The following MKI67 variants were observed in gnomAD, a reference collection of about 807,000 sequenced individuals.
MKI67 encodes proliferation marker protein Ki-67.
In MKI67, 152 loss-of-function variants were observed where a neutral mutation model predicts 233.5. That is an observed-to-expected ratio of 0.65 (90% CI 0.57 to 0.74). MKI67 has a LOEUF of 0.74. Among genes scored for constraint, MKI67 ranks in the 30% least tolerant of loss-of-function variants. The pLI, the probability that MKI67 is intolerant of heterozygous loss-of-function variation, is 0.00. For missense variants in MKI67, 3,940 were observed against 3,885.2 expected (o/e 1.01, Z -0.37); for synonymous variants, 1,465 against 1,418.5 (o/e 1.03, Z -0.74).
rs143304134 is a variant in MKI67 at position 128,115,541 on chromosome 10, C to T, written c.867G>A (p.Ser289=). The part of the protein sequence containing the change: ...GLQGETQLLV[S]RKSRPKSGGS... ...CACCAGATTTTGGTCTTGACTTACG[C>T]GAGACCAACAGTTGGGTCTCCCCCT... The change falls in exon 7 of 15, where the codon TCG becomes TCA. Residue 289 remains serine, a synonymous_variant. Coordinates refer to ENST00000368654, the MANE Select transcript of MKI67 (RefSeq NM_002417.5). The T allele has an allele frequency of 6.5e-4, 1,056 of 1,614,198 alleles. 4 individuals carry two copies. In the African/African-American group the frequency reaches 0.011, roughly 16 times the overall value.
chr10:128,106,965 G>C lies in MKI67; in HGVS notation c.4875C>G (p.Asn1625Lys). 1 of 1,613,958 alleles carries C rather than the reference G, an allele frequency of 6.2e-7. No individual in the cohort carries two copies. Among genetic ancestry groups the C allele is most frequent in the Non-Finnish European group, 8.5e-7 (1 of 1,179,998 alleles). Residue 1625 changes from asparagine to lysine, a missense_variant, in exon 13 of 15, where the codon AAC becomes AAG. Physicochemically the swap from Asn to Lys is moderately conservative, Grantham distance 94 (BLOSUM62 0). Transcript: ENST00000368654. Reference protein sequence around the residue: ...CKSSQPDPDKNPASSKRRLKT... With the variant: ...CKSSQPDPDKKPASSKRRLKT... ...TGAGCCGTCGCTTGGAGCTTGCTGG[G>C]TTTTTGTCTGGGTCTGGTTGTGAAG...
At position 128,103,351 on chromosome 10, in the gene MKI67, T is replaced by C. The variant is rs200105577; in HGVS notation, c.8489A>G (p.Glu2830Gly). The C allele has an allele frequency of 6.2e-7, 1 of 1,614,120 alleles. No individual in the cohort carries two copies. Among genetic ancestry groups the C allele is most frequent in the Non-Finnish European group, 8.5e-7 (1 of 1,180,018 alleles). ...TTKIPCKSSP[E>G]LEDTATSSKR... is the part of the protein sequence containing the mutation. ...TGAGCTTGTTGCGGTGTCTTCTAGT[T>C]CTGGTGATGATTTGCAGGGTATTTT... is the stretch of plus-strand genomic sequence containing the variant. Residue 2830 changes from glutamate (E) to glycine (G), a missense_variant, in exon 13 of 15, where the codon GAA becomes GGA. Physicochemically the swap from Glu to Gly is moderately conservative, Grantham distance 98. Transcript: ENST00000368654.
chr10:128,105,711 C>T lies in MKI67; in HGVS notation c.6129G>A (p.Lys2043=). The T allele has an allele frequency of 6.2e-7, 1 of 1,614,116 alleles. No individual in the cohort carries two copies. The highest frequency in any genetic ancestry group is 8.5e-7 in the Non-Finnish European group (1 of 1,180,042). The change falls in exon 13 of 15, where the codon AAG becomes AAA. Residue 2043 remains lysine (K), a synonymous_variant. Transcript: ENST00000368654. ...GGTCCAGCATCTGCTTTGCAGATTC[C>T]TTAAACGCTTTGATGCTCTTTCCAT... The part of the protein sequence containing the change: ...AGDGKSIKAF[K]ESAKQMLDPA...
intron 4 of MKI67, among the ~76,000 whole-genome samples, chr10:128,121,542 TA>T (rs1045870375): frequency 7.7e-6 from 1 of 130,130 alleles, no homozygotes; most frequent in Admixed American, 8.6e-5. Flanking sequence ...TATTATATTA[TA>T]ATTATATATG....
At chr10:128,102,504 T>G in intron 13 of MKI67, 75 bp downstream of exon 13, 2 of 1,531,958 alleles carry the variant, frequency 1.3e-6, no homozygotes, top group Non-Finnish European at 1.8e-6. Flanking sequence ...AACGTCAGGT[T>G]ACATGCAAAG....
At chr10:128,111,543 AATCTC>A in intron 11 of MKI67, 97 bp downstream of exon 11, 3 of 934,710 alleles carry the variant, frequency 3.2e-6, no homozygotes, top group Non-Finnish European at 4.7e-6. Context: ...TTTATTTTAT[AATCTC>A]TTTCACAGCA....
rs1261023618 is a variant in MKI67 at position 128,103,534 on chromosome 10, G to T, written c.8306C>A (p.Ser2769Tyr). The T allele has an allele frequency of 1.2e-6, 2 of 1,613,528 alleles. No homozygotes were observed. The highest frequency in any genetic ancestry group is 1.7e-6 in the Non-Finnish European group (2 of 1,179,896). ...EDKGIKALKE[S>Y]AKQTPAPAAS... ...TGCTGGAGCCGGTGTCTGTTTTGCA[G>T]ATTCCTTCAATGCTTTGATGCCTTT... The change falls in exon 13 of 15, where the codon TCT becomes TAT. Residue 2769 changes from serine to tyrosine, a missense_variant. By Grantham distance (144) the Ser-to-Tyr change is moderately radical. Transcript: ENST00000368654.
At chr10:128,109,925 T>C (rs1852632575) in intron 12 of MKI67, among the ~76,000 whole-genome samples, 1 of 152,196 alleles carries the variant, frequency 6.6e-6, no homozygotes, top group Non-Finnish European at 1.5e-5. Flanking sequence ...AATGAGAGAT[T>C]AGACAGATTC....
chr10:128,104,044 C>T lies in MKI67; in HGVS notation c.7796G>A (p.Ser2599Asn), dbSNP rs1483822976. 8 of 1,613,906 alleles carry T rather than the reference C, an allele frequency of 5.0e-6. No homozygotes were observed. The South Asian group carries it at 5.5e-5, about 11-fold the overall frequency. The change falls in exon 13 of 15, where the codon AGC (serine) becomes AAC (asparagine). Residue 2599 changes from serine (S) to asparagine (N), a missense_variant. Physicochemically the swap from Ser to Asn is conservative, Grantham distance 46. Transcript: ENST00000368654. ...PPPELTDTAT[S>N]TKRCPKTRPR... is the part of the protein sequence containing the mutation. ...ACGTGTCTTGGGGCATCTCTTTGTG[C>T]TCGTGGCAGTGTCTGTTAGTTCTGG...
chr10:128,102,446 G>C (rs1222835552), intron 13 of MKI67, 133 bp downstream of exon 13: 2 of 1,076,334 alleles, frequency 1.9e-6, no homozygotes, highest in Non-Finnish European at 2.7e-6. Flanking sequence ...ATGGCCTGCA[G>C]TTATTCAGTG....
In MKI67 at chr10:128,108,564, A is replaced by G. The variant is rs139760339; in HGVS notation, c.3276T>C (p.Pro1092=). 20 of 1,614,160 alleles carry G rather than the reference A, an allele frequency of 1.2e-5. No homozygotes were observed. In the African/African-American group the frequency reaches 2.7e-4, roughly 22 times the overall value. ...CTTCTAGTGACTGGGCCTCTTCCTT[A>G]GGCGTTCTTGGCCACTTCTTCATTC... ...VTGMKKWPRT[P]KEEAQSLEDL... is the part of the protein sequence containing the mutation. The change falls in exon 13 of 15, where the codon CCT becomes CCC. Residue 1092 remains proline (P), a synonymous_variant. Transcript: ENST00000368654.
chr10:128,104,579 T>C lies in MKI67; in HGVS notation c.7261A>G (p.Lys2421Glu), dbSNP rs752554097. The C allele has an allele frequency of 1.9e-6, 3 of 1,613,932 alleles. No individual in the cohort carries two copies. The highest frequency in any genetic ancestry group is 1.3e-5 in the African/African-American group (1 of 74,852). ...TCCTTAGGAGTCTGTGGCTGTCTCT[T>C]GCTGCCAGGTAAATTTCCTAGCAGG... ...LDLLGNLPGS[K>E]RQPQTPKEKA... The change falls in exon 13 of 15, where the codon AAG (lysine) becomes GAG (glutamate). Residue 2421 changes from lysine (K) to glutamate (E), a missense_variant. Physicochemically the swap from Lys to Glu is moderately conservative, Grantham distance 56. Coordinates refer to ENST00000368654, the MANE Select transcript of MKI67 (RefSeq NM_002417.5).
chr10:128,109,305 G>C lies in MKI67; in HGVS notation c.2535C>G (p.Pro845=). The C allele has an allele frequency of 6.2e-7, 1 of 1,614,138 alleles. No homozygotes were observed. Among genetic ancestry groups the C allele is most frequent in the Non-Finnish European group, 8.5e-7 (1 of 1,180,030 alleles). Reference sequence around the variant, plus strand: ...GAGAAGTCATTTTGTAGGTGTTCCTGGGCGTTTTTGCTACGTTTCCATTTT... The same window carrying C: ...GAGAAGTCATTTTGTAGGTGTTCCTCGGCGTTTTTGCTACGTTTCCATTTT... The part of the protein sequence containing the change: ...IRENGNVAKT[P]RNTYKMTSLE... Residue 845 remains proline (P), a synonymous_variant, in exon 13 of 15, where the codon CCC becomes CCG. Transcript: ENST00000368654.
chr10:128,115,913 G>A lies in MKI67; in HGVS notation c.495C>T (p.Asp165=). 1 of 1,610,994 alleles carries A rather than the reference G, an allele frequency of 6.2e-7. No individual in the cohort carries two copies. Among genetic ancestry groups the A allele is most frequent in the Non-Finnish European group, 8.5e-7 (1 of 1,179,980 alleles). Residue 165 remains aspartate, a synonymous_variant, in exon 7 of 15, where the codon GAC becomes GAT. Coordinates refer to ENST00000368654, the MANE Select transcript of MKI67 (RefSeq NM_002417.5). ...TGTCTTTTGAGTCATCTGCGGTACTGTCTTCTTTGACATTCTTGATATGTA... is the reference window on the plus strand; with the variant it reads ...TGTCTTTTGAGTCATCTGCGGTACTATCTTCTTTGACATTCTTGATATGTA... ...PQVHIKNVKE[D]STADDSKDSV...
At position 128,098,617 on chromosome 10, in the gene MKI67, C is replaced by G. The variant is rs1852264925; in HGVS notation, c.*573G>C. The G allele has an allele frequency of 6.6e-6, 1 of 152,140 alleles. No individual in the cohort carries two copies. Among genetic ancestry groups the G allele is most frequent in the African/African-American group, 2.4e-5 (1 of 41,424 alleles). The allele number at this position is 152,140 out of a possible 1,614,324, so 9.4% of individuals were successfully genotyped here. ...TGCTCACGAGTCATTCTCCAAAGCA[C>G]AAAACTTTATTTTCAGAAAGGAAAG... On this transcript the variant is annotated 3_prime_UTR_variant, in exon 15 of 15. Transcript: ENST00000368654.
rs146375687 is a variant in MKI67 at position 128,099,850 on chromosome 10, C to T, written c.9706-595G>A. On this transcript the variant is annotated intron_variant, in intron 14 of 14. Transcript: ENST00000368654. ...CAAAGAGGAGCATGTGTGTGTTGGGCGTCTCCTGGGTGCTTGTGTGTGAGA... is the reference window on the plus strand; with the variant it reads ...CAAAGAGGAGCATGTGTGTGTTGGGTGTCTCCTGGGTGCTTGTGTGTGAGA... 4.2e-4 allele frequency among the ~76,000 whole-genome samples: 64 copies of T among 152,250 alleles called. No individual in the cohort carries two copies. In the East Asian group the frequency reaches 6.9e-3, roughly 17 times the overall value.
At position 128,103,215 on chromosome 10, in the gene MKI67, C is replaced by T. The variant is rs759396444; in HGVS notation, c.8625G>A (p.Pro2875=). The change falls in exon 13 of 15, where the codon CCG becomes CCA. Residue 2875 remains proline (P), a synonymous_variant. Transcript: ENST00000368654. ...CTTTCGTGCCTTTGCCCTCACCTAC[C>T]GGCTCTTTGTCGGTGTGCGTGGTCT... ...SGETTHTDKE[P]VGEGKGTKAF... 2.3e-5 allele frequency: 37 copies of T among 1,613,666 alleles called. No homozygotes were observed. The highest frequency in any genetic ancestry group is 3.0e-5 in the Non-Finnish European group (35 of 1,179,958).
rs372795892 is a variant in MKI67 at position 128,098,251 on chromosome 10, T to C, written c.*939A>G. On this transcript the variant is annotated 3_prime_UTR_variant, in exon 15 of 15. Transcript: ENST00000368654. ...GGCTCACAAGGAAGCGATCCTGAAA[T>C]CGTGGCTGAAGGTGCTGAGTGCTCA... The C allele has an allele frequency of 1.3e-5, 2 of 152,240 alleles. No individual in the cohort carries two copies. Among genetic ancestry groups the C allele is most frequent in the African/African-American group, 2.4e-5 (1 of 41,434 alleles). 9.4% of individuals were successfully genotyped at this position (152,240 alleles called of 1,614,324 possible).
intron 5 of MKI67, among the ~76,000 whole-genome samples, chr10:128,116,867 A>G (rs1391066597): frequency 6.6e-6 from 1 of 152,248 alleles, no homozygotes; most frequent in Non-Finnish European, 1.5e-5. Context: ...AGATTGCACC[A>G]CTGCACTCTA....
Sources: allele counts gnomAD v4.1 joint callset (sites outside exome capture counted in the v4.1 genomes callset), GRCh38; gene constraint gnomAD v4.1.1; transcripts MANE v1.5; gene names NCBI Gene and HGNC (gene_info 2026-07-23, HGNC 2026-07-21).